DLG2: variants seen among roughly 807,000 people sequenced by gnomAD.
DLG2 encodes the protein discs large MAGUK scaffold protein 2, also known as disks large homolog 2.
A neutral mutation model predicts 132.5 loss-of-function variants in DLG2; 45 were observed. The observed-to-expected ratio is 0.34, with a 90% CI of 0.27 to 0.44. The LOEUF (loss-of-function observed/expected upper bound fraction) is 0.44, where lower values mean the gene tolerates loss of function less well. Among genes scored for constraint, DLG2 ranks in the 20% least tolerant of loss-of-function variants. The pLI is 1.00. For synonymous variants in DLG2, 424 were observed against 419.6 expected, an observed-to-expected ratio of 1.01 and a Z score of -0.13; for missense variants, 1,045 against 1,196.9, an observed-to-expected ratio of 0.87 and a Z score of 1.87.
intron 6 of DLG2, among the ~76,000 whole-genome samples, chr11:84,705,379 G>A (rs534272755): frequency 3.3e-5 from 5 of 151,782 alleles, no homozygotes; most frequent in African/African-American, 9.6e-5. Flanking sequence ...ATCCTACAAA[G>A]TACAGGACCA....
chr11:84,675,319 T>C (rs1297762046), intron 6 of DLG2, among the ~76,000 whole-genome samples: 1 of 152,104 alleles, frequency 6.6e-6, no homozygotes, highest in East Asian at 1.9e-4. Flanking sequence ...AATACAGCAG[T>C]GGCTCTAAGA....
intron 4 of DLG2, among the ~76,000 whole-genome samples, chr11:85,166,487 T>C (rs1464873546): frequency 6.6e-6 from 1 of 152,074 alleles, no homozygotes; most frequent in Non-Finnish European, 1.5e-5. Flanking sequence ...TTAAGAACTA[T>C]TTATGACTCC....
chr11:83,725,611 CA>C (rs1407813789), intron 18 of DLG2, among the ~76,000 whole-genome samples: 2 of 152,176 alleles, frequency 1.3e-5, no homozygotes, highest in Admixed American at 6.5e-5. Context: ...TAATTTGAAC[CA>C]GGAAAACTTG....
chr11:84,910,754 G>C (rs1443044648), intron 6 of DLG2, among the ~76,000 whole-genome samples: 1 of 130,588 alleles, frequency 7.7e-6, no homozygotes, highest in African/African-American at 2.8e-5. Context: ...TCCACAAAAA[G>C]GAAGAAAAAA....
intron 18 of DLG2, among the ~76,000 whole-genome samples, chr11:83,652,209 T>G (rs943186430): frequency 6.6e-6 from 1 of 152,204 alleles, no homozygotes; most frequent in Non-Finnish European, 1.5e-5. Flanking sequence ...CTGTAGATCA[T>G]GCAGGAGGGT....
intron 16 of DLG2, among the ~76,000 whole-genome samples, chr11:83,847,393 G>T (rs1288884829): frequency 6.6e-6 from 1 of 152,152 alleles, no homozygotes; most frequent in Non-Finnish European, 1.5e-5. Flanking sequence ...AAGCATTATG[G>T]TATTATGAAA....
intron 6 of DLG2, among the ~76,000 whole-genome samples, chr11:84,993,487 A>G (rs2057336489): frequency 6.6e-6 from 1 of 152,208 alleles, no homozygotes; most frequent in African/African-American, 2.4e-5. Flanking sequence ...CAGGAGCAAG[A>G]AAGATTAGGG....
intron 6 of DLG2, among the ~76,000 whole-genome samples, chr11:84,607,140 C>G (rs2099587289): frequency 1.3e-5 from 2 of 152,012 alleles, no homozygotes; most frequent in South Asian, 2.1e-4. Flanking sequence ...GAGCCCTTTT[C>G]AATGAGATAG....
chr11:83,749,274 C>G (rs995396154), intron 18 of DLG2, among the ~76,000 whole-genome samples: 1 of 152,174 alleles, frequency 6.6e-6, no homozygotes, highest in Admixed American at 6.5e-5. Flanking sequence ...CTGATAGCGT[C>G]TCCTTCAGAA....
At chr11:85,519,263 G>A (rs572245898) in intron 3 of DLG2, among the ~76,000 whole-genome samples, 1 of 152,192 alleles carries the variant, frequency 6.6e-6, no homozygotes, top group Non-Finnish European at 1.5e-5. Context: ...GTGCCAGCCT[G>A]TGAAATTAGC....
chr11:83,664,525 T>C (rs2075104868), intron 18 of DLG2, among the ~76,000 whole-genome samples: 1 of 151,868 alleles, frequency 6.6e-6, no homozygotes. Context: ...TGGGAGGTAG[T>C]AGTTAAAGCT....
At chr11:83,972,031 C>T (rs977587700) in intron 12 of DLG2, among the ~76,000 whole-genome samples, 2 of 151,992 alleles carry the variant, frequency 1.3e-5, no homozygotes, top group Admixed American at 6.6e-5. Context: ...AAGCTAAGTA[C>T]AGTGGTGTCA....
intron 17 of DLG2, among the ~76,000 whole-genome samples, chr11:83,788,792 G>C (rs2040708562): frequency 6.6e-6 from 1 of 152,210 alleles, no homozygotes; most frequent in African/African-American, 2.4e-5. Flanking sequence ...AAAAGGAAGA[G>C]GTAAAAGTCC....
chr11:84,619,638 C>A (rs1593989625), intron 6 of DLG2, among the ~76,000 whole-genome samples: 1 of 151,518 alleles, frequency 6.6e-6, no homozygotes, highest in East Asian at 1.9e-4. Flanking sequence ...AAATCATGAT[C>A]ATCTCAACAA....
chr11:83,730,146 G>GTTTTTTTTTTTTTTTT (rs541441004), intron 18 of DLG2, among the ~76,000 whole-genome samples: 1 of 111,004 alleles, frequency 9.0e-6, no homozygotes, highest in African/African-American at 3.5e-5. Flanking sequence ...TTTTTTTATG[G>GTTTTTTTTTTTTTTTT]TTTTTTTTTT....
intron 18 of DLG2, among the ~76,000 whole-genome samples, chr11:83,705,996 A>T (rs1180047557): frequency 1.3e-5 from 2 of 152,178 alleles, no homozygotes; most frequent in Non-Finnish European, 2.9e-5. Context: ...AGGCTGGTGG[A>T]TCATGAAGTC....
intron 18 of DLG2, among the ~76,000 whole-genome samples, chr11:83,701,628 C>T (rs548755483): frequency 1.5e-4 from 23 of 152,196 alleles, no homozygotes; most frequent in Admixed American, 5.2e-4. Context: ...TCAGTTATAC[C>T]GGGACATACA....
chr11:84,004,927 T>C (rs2094506605), intron 11 of DLG2, among the ~76,000 whole-genome samples: 1 of 113,672 alleles, frequency 8.8e-6, no homozygotes, highest in Non-Finnish European at 1.8e-5. Context: ...AGAAAAAGAA[T>C]TCTAAAATTT....
intron 6 of DLG2, among the ~76,000 whole-genome samples, chr11:84,837,478 A>G (rs2079977206): frequency 6.6e-6 from 1 of 151,790 alleles, no homozygotes; most frequent in South Asian, 2.1e-4. Flanking sequence ...ATTCTCCTAG[A>G]TGGCTCCTAG....
Sources: gnomAD v4.1 joint callset for allele counts (sites outside exome capture counted in the v4.1 genomes callset) on GRCh38, gnomAD v4.1.1 for gene constraint, MANE v1.5 for transcripts, NCBI Gene and HGNC (gene_info 2026-07-23, HGNC 2026-07-21) for gene names.